PDGFC: variants seen among roughly 807,000 people sequenced by gnomAD.
The protein encoded by PDGFC is platelet derived growth factor C.
Under a neutral mutation model 35.5 loss-of-function variants are expected in PDGFC, and 12 were observed. The ratio of observed to expected loss-of-function variants is 0.34; its 90% CI spans 0.22 to 0.55. PDGFC has a LOEUF of 0.55. Among genes scored for constraint, PDGFC ranks in the 20% least tolerant of loss-of-function variants. PDGFC has a pLI of 0.91. For missense variants in PDGFC, 322 were observed against 412.4 expected, an observed-to-expected ratio of 0.78 and a Z score of 1.90; for synonymous variants, 159 against 148.8, an observed-to-expected ratio of 1.07 and a Z score of -0.50.
At chr4:156,834,168 C>T (rs1419732386) in intron 2 of PDGFC, among the ~76,000 whole-genome samples, 1 of 152,070 alleles carries the variant, frequency 6.6e-6, no homozygotes, top group African/African-American at 2.4e-5. Context: ...TTGGGAAAAT[C>T]CTCATATTAC....
chr4:156,884,419 G>A (rs771286224), intron 1 of PDGFC, among the ~76,000 whole-genome samples: 5 of 152,102 alleles, frequency 3.3e-5, no homozygotes, highest in South Asian at 2.1e-4. Context: ...AGATCACACC[G>A]AACCTAGCAT....
rs1201882713 is a variant in PDGFC, at chr4:156,808,505, G to T, written c.495+2332C>A. ...TAAAAGCATCAGAGATGATCCAGGG[G>T]CTTGGAGGGACCCTTGCCCCTGAGC... On this transcript the variant is annotated intron_variant, in intron 3 of 5. Coordinates refer to ENST00000502773, the MANE Select transcript of PDGFC (RefSeq NM_016205.3). Among the ~76,000 whole-genome samples, 6 of 152,064 alleles carry T rather than the reference G, an allele frequency of 3.9e-5. No homozygotes were observed. In the East Asian group the frequency reaches 7.8e-4, roughly 20 times the overall value.
intron 3 of PDGFC, among the ~76,000 whole-genome samples, chr4:156,794,099 G>T (rs1452541313): frequency 6.6e-6 from 1 of 152,094 alleles, no homozygotes; most frequent in Admixed American, 6.6e-5. Context: ...ACTATGTGTG[G>T]ATTATGGCAG....
chr4:156,935,657 A>G (rs1731661900), intron 1 of PDGFC, among the ~76,000 whole-genome samples: 1 of 152,230 alleles, frequency 6.6e-6, no homozygotes. Context: ...AGATGTCTTT[A>G]TACAGAAACA....
chr4:156,846,704 T>C (rs1405984148), intron 2 of PDGFC, among the ~76,000 whole-genome samples: 2 of 151,794 alleles, frequency 1.3e-5, no homozygotes, highest in African/African-American at 4.8e-5. Flanking sequence ...ATGGGAAATA[T>C]CCTTGTTCTT....
intron 1 of PDGFC, among the ~76,000 whole-genome samples, chr4:156,929,400 G>T (rs539846709): frequency 2.0e-5 from 3 of 151,246 alleles, no homozygotes; most frequent in Non-Finnish European, 4.4e-5. Flanking sequence ...GAAATAAAAG[G>T]GAGAAAAGTG....
At chr4:156,824,236 A>T (rs1732356230) in intron 2 of PDGFC, among the ~76,000 whole-genome samples, 1 of 146,522 alleles carries the variant, frequency 6.8e-6, no homozygotes, top group Non-Finnish European at 1.5e-5. Flanking sequence ...TGCCCTTCTT[A>T]TCTGTGGGAG....
At chr4:156,930,614 TC>T (rs1200102886) in intron 1 of PDGFC, among the ~76,000 whole-genome samples, 1 of 152,222 alleles carries the variant, frequency 6.6e-6, no homozygotes, top group Non-Finnish European at 1.5e-5. Context: ...ACGCCTGTAA[TC>T]CCGGCACTTT....
At chr4:156,792,440 A>T (rs1284808076) in intron 3 of PDGFC, among the ~76,000 whole-genome samples, 1 of 152,200 alleles carries the variant, frequency 6.6e-6, no homozygotes, top group Non-Finnish European at 1.5e-5. Context: ...ATTTTTAAAA[A>T]CAAAAACAAA....
intron 1 of PDGFC, among the ~76,000 whole-genome samples, chr4:156,901,901 G>A (rs1416154811): frequency 4.6e-5 from 7 of 152,118 alleles, no homozygotes; most frequent in Admixed American, 2.0e-4. Context: ...CATGAGCCAC[G>A]GAGCCTGGCC....
In PDGFC at chr4:156,893,309, C is replaced by T. The variant is rs906373361; in HGVS notation, c.119-42893G>A. Among the ~76,000 whole-genome samples the T allele has an allele frequency of 7.3e-5, 11 of 150,188 alleles. No individual in the cohort carries two copies. In the South Asian group the frequency reaches 8.5e-4, roughly 12 times the overall value. Reference sequence around the variant, plus strand: ...TCTATGGTAAGACAGACCATATAGACGCAACAAGTAAAAAATGCTCTAACT... The same window carrying T: ...TCTATGGTAAGACAGACCATATAGATGCAACAAGTAAAAAATGCTCTAACT... On this transcript the variant is annotated intron_variant, in intron 1 of 5. Transcript: ENST00000502773.
intron 1 of PDGFC, among the ~76,000 whole-genome samples, chr4:156,968,982 C>A (rs1253637808): frequency 6.6e-6 from 1 of 151,998 alleles, no homozygotes; most frequent in Non-Finnish European, 1.5e-5. Flanking sequence ...AGCTCTGGGA[C>A]CCTTACAAAG....
chr4:156,869,836 G>A (rs547709586), intron 1 of PDGFC, among the ~76,000 whole-genome samples: 14 of 152,056 alleles, frequency 9.2e-5, no homozygotes, highest in South Asian at 8.3e-4. Flanking sequence ...TATTCCTTAA[G>A]CATTGTTATG....
chr4:156,820,593 T>C (rs2110975529), intron 2 of PDGFC, among the ~76,000 whole-genome samples: 1 of 152,330 alleles, frequency 6.6e-6, no homozygotes, highest in East Asian at 1.9e-4. Flanking sequence ...TTTGCTTTAT[T>C]GCAGTGATCT....
intron 1 of PDGFC, among the ~76,000 whole-genome samples, chr4:156,919,444 G>T (rs1039030210): frequency 6.6e-6 from 1 of 152,134 alleles, no homozygotes; most frequent in Non-Finnish European, 1.5e-5. Flanking sequence ...GAGAAAGAAA[G>T]CAGACAGCCC....
At chr4:156,959,048 C>G (rs992261361) in intron 1 of PDGFC, among the ~76,000 whole-genome samples, 1 of 151,930 alleles carries the variant, frequency 6.6e-6, no homozygotes, top group East Asian at 1.9e-4. Context: ...TGTCTGAGCC[C>G]AGAAGGAAAA....
At chr4:156,815,577 G>T (rs1261821356) in intron 2 of PDGFC, among the ~76,000 whole-genome samples, 1 of 152,150 alleles carries the variant, frequency 6.6e-6, no homozygotes, top group Non-Finnish European at 1.5e-5. Flanking sequence ...ATCAAGAAGA[G>T]AATGAAGAGA....
At chr4:156,794,588 T>C (rs1385642106) in intron 3 of PDGFC, among the ~76,000 whole-genome samples, 1 of 151,920 alleles carries the variant, frequency 6.6e-6, no homozygotes, top group African/African-American at 2.4e-5. Flanking sequence ...TGGTGAGTAA[T>C]ATTTTTTACA....
At chr4:156,857,627 C>A (rs375172056) in intron 1 of PDGFC, among the ~76,000 whole-genome samples, 1 of 152,054 alleles carries the variant, frequency 6.6e-6, no homozygotes, top group African/African-American at 2.4e-5. Context: ...GTTAATATAG[C>A]GAGCATCTTC....
Sources: allele counts gnomAD v4.1 joint callset (sites outside exome capture counted in the v4.1 genomes callset), GRCh38; gene constraint gnomAD v4.1.1; transcripts MANE v1.5; gene names NCBI Gene and HGNC (gene_info 2026-07-23, HGNC 2026-07-21).